The following SSH2 variants were observed in gnomAD, a reference collection of about 807,000 sequenced individuals.
The protein encoded by SSH2 is protein phosphatase Slingshot homolog 2.
SSH2 carries 37 observed loss-of-function variants against 135.2 expected under a neutral mutation model. That is an observed-to-expected ratio of 0.27 (90% CI 0.21 to 0.36). SSH2 has a LOEUF of 0.36. Among genes scored for constraint, SSH2 ranks in the 10% least tolerant of loss-of-function variants. The pLI, the probability that SSH2 is intolerant of heterozygous loss-of-function variation, is 1.00. For missense variants in SSH2, 1,408 were observed against 1,765.3 expected (o/e 0.80, Z 3.63); for synonymous variants, 628 against 646.2 (o/e 0.97, Z 0.43).
intron 2 of SSH2, among the ~76,000 whole-genome samples, chr17:29,832,185 C>T (rs1231423617): frequency 6.6e-6 from 1 of 152,096 alleles, no homozygotes; most frequent in African/African-American, 2.4e-5. Context: ...GCTCTGTTGC[C>T]CAGGTGAGGG....
chr17:29,851,620 A>G (rs540962256), intron 1 of SSH2, among the ~76,000 whole-genome samples: 11 of 152,066 alleles, frequency 7.2e-5, no homozygotes, highest in African/African-American at 2.4e-4. Context: ...AATAATAATA[A>G]TGATAAAAAC....
At chr17:29,744,188 C>T (rs923361852) in intron 3 of SSH2, among the ~76,000 whole-genome samples, 2 of 151,904 alleles carry the variant, frequency 1.3e-5, no homozygotes, top group South Asian at 2.1e-4. Flanking sequence ...GCAGCTGGCC[C>T]GCTGCCGGGG....
intron 3 of SSH2, among the ~76,000 whole-genome samples, chr17:29,710,494 A>C (rs1015786417): frequency 1.3e-5 from 2 of 152,302 alleles, no homozygotes; most frequent in Admixed American, 1.3e-4. Flanking sequence ...CATCTAGCAA[A>C]AACTTTCAAA....
intron 5 of SSH2, among the ~76,000 whole-genome samples, chr17:29,694,067 C>A (rs2038613344): frequency 6.6e-6 from 1 of 151,464 alleles, no homozygotes; most frequent in African/African-American, 2.5e-5. Context: ...CATAAACTTT[C>A]TGAAAACATT....
chr17:29,715,785 A>C (rs1439746084), intron 3 of SSH2, among the ~76,000 whole-genome samples: 1 of 152,232 alleles, frequency 6.6e-6, no homozygotes, highest in Non-Finnish European at 1.5e-5. Flanking sequence ...GGAGATAAGA[A>C]ACCATGTCTC....
At chr17:29,755,390 TA>T (rs539857217) in intron 3 of SSH2, among the ~76,000 whole-genome samples, 1 of 152,164 alleles carries the variant, frequency 6.6e-6, no homozygotes, top group South Asian at 2.1e-4. Context: ...CATTGACAGG[TA>T]AAAAATAATA....
At chr17:29,822,081 G>A (rs1158703544) in intron 2 of SSH2, among the ~76,000 whole-genome samples, 3 of 152,224 alleles carry the variant, frequency 2.0e-5, no homozygotes, top group Admixed American at 6.5e-5. Context: ...GATCACAGAT[G>A]GAACCAGATT....
intron 2 of SSH2, among the ~76,000 whole-genome samples, chr17:29,834,065 AG>A (rs1249564031): frequency 1.3e-5 from 2 of 151,434 alleles, no homozygotes; most frequent in Non-Finnish European, 2.9e-5. Flanking sequence ...TTACCCATGA[AG>A]GTTGCAAATA....
At chr17:29,777,961 T>A (rs1345476974) in intron 3 of SSH2, among the ~76,000 whole-genome samples, 1 of 151,638 alleles carries the variant, frequency 6.6e-6, no homozygotes, top group Non-Finnish European at 1.5e-5. Context: ...CTCTTTCCCC[T>A]CCCATGAAAG....
At chr17:29,919,901 G>GAGAT (rs1213476614) in intron 1 of SSH2, among the ~76,000 whole-genome samples, 6 of 151,986 alleles carry the variant, frequency 3.9e-5, no homozygotes, top group African/African-American at 1.5e-4. Flanking sequence ...GAAACCAGGA[G>GAGAT]TGATTTATTT....
chr17:29,906,321 T>G (rs1388742696), intron 1 of SSH2, among the ~76,000 whole-genome samples: 2 of 152,138 alleles, frequency 1.3e-5, no homozygotes, highest in Non-Finnish European at 2.9e-5. Flanking sequence ...TGCAGGAAAT[T>G]GAAATTGGAC....
At chr17:29,650,213 G>A (rs1386125695) in intron 13 of SSH2, among the ~76,000 whole-genome samples, 1 of 152,190 alleles carries the variant, frequency 6.6e-6, no homozygotes, top group Non-Finnish European at 1.5e-5. Context: ...ATCATTTAGA[G>A]TATCATAAAA....
At chr17:29,869,055 A>T (rs775294233) in intron 1 of SSH2, among the ~76,000 whole-genome samples, 2 of 152,220 alleles carry the variant, frequency 1.3e-5, no homozygotes, top group Non-Finnish European at 2.9e-5. Context: ...CAGAGGAGTG[A>T]GAGTGTCTAA....
At chr17:29,921,221 A>G (rs1272998470) in intron 1 of SSH2, among the ~76,000 whole-genome samples, 1 of 152,212 alleles carries the variant, frequency 6.6e-6, no homozygotes, top group Non-Finnish European at 1.5e-5. Context: ...GGTAAAATCA[A>G]GAGAATAACA....
chr17:29,792,644 C>T (rs1469240441), intron 3 of SSH2, among the ~76,000 whole-genome samples: 1 of 152,082 alleles, frequency 6.6e-6, no homozygotes, highest in Non-Finnish European at 1.5e-5. Context: ...TCAACAAACA[C>T]CTGATAATAA....
intron 1 of SSH2, among the ~76,000 whole-genome samples, chr17:29,870,328 T>C (rs1334736552): frequency 6.6e-6 from 1 of 151,164 alleles, no homozygotes; most frequent in Non-Finnish European, 1.5e-5. Flanking sequence ...ATGTCACCAT[T>C]AGTGTAAAAG....
chr17:29,665,428 C>G (rs1453465829), intron 11 of SSH2, among the ~76,000 whole-genome samples: 1 of 152,170 alleles, frequency 6.6e-6, no homozygotes, highest in Non-Finnish European at 1.5e-5. Flanking sequence ...TTTCAGGGCA[C>G]AAGCCTTCAA....
At chr17:29,694,104 G>A (rs1280158622) in intron 5 of SSH2, among the ~76,000 whole-genome samples, 1 of 151,864 alleles carries the variant, frequency 6.6e-6, no homozygotes, top group Admixed American at 6.6e-5. Context: ...TTTTTTTTAA[G>A]CTCATCAGCT....
chr17:29,645,937 G>A (rs2036353043), intron 14 of SSH2: 1 of 152,186 alleles, frequency 6.6e-6, no homozygotes, highest in African/African-American at 2.4e-5. Context: ...TAGGCTGGAA[G>A]GCTATGTAAC....
Sources: gnomAD v4.1 joint callset for allele counts (sites outside exome capture counted in the v4.1 genomes callset) on GRCh38, gnomAD v4.1.1 for gene constraint, MANE v1.5 for transcripts, NCBI Gene and HGNC (gene_info 2026-07-23, HGNC 2026-07-21) for gene names.